Variants in NLGN4X observed in about 807,000 individuals in gnomAD.
NLGN4X encodes the protein neuroligin-4, X-linked.
Under a neutral mutation model 40.3 loss-of-function variants are expected in NLGN4X, and 3 were observed. The ratio of observed to expected loss-of-function variants is 0.07; its 90% CI spans 0.03 to 0.19. The LOEUF is 0.19. NLGN4X is among the 10% of genes least tolerant of loss of function. The pLI is 1.00. For missense variants in NLGN4X, 382 were observed against 708.3 expected, an observed-to-expected ratio of 0.54 and a Z score of 5.23; for synonymous variants, 270 against 306.8, an observed-to-expected ratio of 0.88 and a Z score of 1.25.
intron 5 of NLGN4X, among the ~76,000 whole-genome samples, 175 bp from the exon 6 acceptor site, chrX:5,893,841 ATGT>A (rs2031339255): frequency 1.8e-5 from 2 of 112,459 alleles, no homozygotes; most frequent in South Asian, 7.4e-4. Flanking sequence ...CCTGTCTACC[ATGT>A]TGTCTTTTCC....
At chrX:6,064,978 T>C (rs191501136) in intron 2 of NLGN4X, among the ~76,000 whole-genome samples, 4 of 111,653 alleles carry the variant, frequency 3.6e-5, no homozygotes, top group Admixed American at 9.6e-5. Context: ...AGAGTGCAGC[T>C]GGAGGCCATT....
At chrX:6,115,569 G>C (rs983041947) in intron 2 of NLGN4X, among the ~76,000 whole-genome samples, 1 of 111,795 alleles carries the variant, frequency 8.9e-6, no homozygotes, top group South Asian at 3.8e-4. Context: ...AACCAAGGAA[G>C]CCAGAACTGA....
intron 2 of NLGN4X, among the ~76,000 whole-genome samples, chrX:6,113,032 T>C (rs1042769038): frequency 7.3e-5 from 8 of 109,800 alleles, no homozygotes; most frequent in African/African-American, 2.3e-4. Flanking sequence ...AAGGTACCAA[T>C]CCCGTGACCA....
chrX:6,143,146 C>G (rs1026317369), intron 2 of NLGN4X, among the ~76,000 whole-genome samples: 3 of 112,249 alleles, frequency 2.7e-5, no homozygotes, highest in African/African-American at 6.5e-5. Flanking sequence ...GGTGCTTGTA[C>G]GTGCTGGCTA....
Position 6,151,478 on chromosome X carries a change from G to T in NLGN4X, c.-12C>A. 1.7e-6 allele frequency: 2 copies of T among 1,184,103 alleles called. No homozygotes were observed. The highest frequency in any genetic ancestry group is 3.6e-5 in the South Asian group (2 of 56,276). On this transcript the variant is annotated 5_prime_UTR_variant, in exon 2 of 6. Transcript: ENST00000381095. ...TGGGGCCGTGACATGGTTCAAATCT[G>T]CATCCACATCCACAGCTGTCCCAGT...
chrX:6,087,203 AC>A (rs2038518474), intron 2 of NLGN4X, among the ~76,000 whole-genome samples: 1 of 111,780 alleles, frequency 8.9e-6, no homozygotes, highest in South Asian at 3.8e-4. Context: ...CTCTAAGGGC[AC>A]CGTACCATAG....
rs1313855902 is a variant in NLGN4X, at chrX:5,976,452, C to G, written c.625+52828G>C. On this transcript the variant is annotated intron_variant, in intron 3 of 5. Transcript: ENST00000381095. ...AAATATATGTCAGAGAAACCTCATT[C>G]AGTGACTAATGAAACTTCTTGCTGC... Among the ~76,000 whole-genome samples the G allele has an allele frequency of 2.7e-5, 3 of 112,116 alleles. No individual in the cohort carries two copies. In the East Asian group the frequency reaches 8.4e-4, roughly 31 times the overall value.
chrX:6,218,025 G>A (rs1391174620), intron 1 of NLGN4X, among the ~76,000 whole-genome samples: 1 of 111,612 alleles, frequency 9.0e-6, no homozygotes, highest in Non-Finnish European at 1.9e-5. Flanking sequence ...TATCCGTTCC[G>A]CCTAATTCCC....
chrX:5,995,363 T>A (rs909906535), intron 3 of NLGN4X, among the ~76,000 whole-genome samples: 1 of 112,396 alleles, frequency 8.9e-6, no homozygotes, highest in Non-Finnish European at 1.9e-5. Context: ...AGAACTTGAT[T>A]TGGAGCATTT....
At chrX:5,966,644 G>A (rs141498711) in intron 3 of NLGN4X, among the ~76,000 whole-genome samples, 4,356 of 112,051 alleles carry the variant, frequency 0.039, 110 homozygotes, top group Admixed American at 0.12. Flanking sequence ...CTTTAATATC[G>A]TATTTAAATA....
At chrX:6,018,667 T>A (rs965372249) in intron 3 of NLGN4X, among the ~76,000 whole-genome samples, 5 of 112,105 alleles carry the variant, frequency 4.5e-5, no homozygotes, top group African/African-American at 1.6e-4. Context: ...CCTGCCTGTT[T>A]ATGATTTACA....
chrX:6,114,521 AAC>A (rs529608747), intron 2 of NLGN4X, among the ~76,000 whole-genome samples: 10,412 of 95,289 alleles, frequency 0.11, 566 homozygotes, highest in East Asian at 0.23. Context: ...CAAAGTGGCA[AAC>A]ACACACACAC....
At chrX:6,005,123 A>G (rs1317712747) in intron 3 of NLGN4X, among the ~76,000 whole-genome samples, 1 of 110,119 alleles carries the variant, frequency 9.1e-6, no homozygotes, top group Non-Finnish European at 1.9e-5. Context: ...ATTATTTGTT[A>G]AAAACTAAAA....
chrX:5,951,819 G>A (rs1164839323), intron 3 of NLGN4X, among the ~76,000 whole-genome samples: 1 of 111,593 alleles, frequency 9.0e-6, no homozygotes, highest in East Asian at 2.8e-4. Context: ...CACAGTTGAG[G>A]AGTAGGTTTC....
intron 2 of NLGN4X, among the ~76,000 whole-genome samples, chrX:6,056,544 T>A (rs2037636146): frequency 8.9e-6 from 1 of 111,979 alleles, no homozygotes; most frequent in Non-Finnish European, 1.9e-5. Flanking sequence ...TTGCTTTGTT[T>A]GGGCTGAAGG....
At chrX:5,961,449 C>T (rs950261378) in intron 3 of NLGN4X, among the ~76,000 whole-genome samples, 10 of 112,030 alleles carry the variant, frequency 8.9e-5, no homozygotes, top group African/African-American at 3.2e-4. Flanking sequence ...TTGCCTTCAT[C>T]GACATGCTAA....
chrX:6,134,183 G>A (rs1013846231), intron 2 of NLGN4X, among the ~76,000 whole-genome samples: 9 of 111,740 alleles, frequency 8.1e-5, no homozygotes, highest in Admixed American at 5.7e-4. Context: ...GAAGGATGCT[G>A]CCCTGTAATT....
At chrX:5,937,307 C>A (rs979643015) in intron 3 of NLGN4X, among the ~76,000 whole-genome samples, 1 of 111,138 alleles carries the variant, frequency 9.0e-6, no homozygotes, top group Non-Finnish European at 1.9e-5. Context: ...AACACCTGGG[C>A]TCAAGCGATC....
chrX:6,227,977 G>A, intron 1 of NLGN4X: 1 of 115,088 alleles, frequency 8.7e-6, no homozygotes, highest in Admixed American at 8.8e-5. Flanking sequence ...GGTGGGGGGG[G>A]AGAGAAAAAG....
Sources: gnomAD v4.1 joint callset for allele counts (sites outside exome capture counted in the v4.1 genomes callset) on GRCh38, gnomAD v4.1.1 for gene constraint, MANE v1.5 for transcripts, NCBI Gene and HGNC (gene_info 2026-07-23, HGNC 2026-07-21) for gene names.